Variants in HDAC9 observed in about 807,000 individuals in gnomAD.
HDAC9 encodes the protein histone deacetylase 9.
A neutral mutation model predicts 139.4 loss-of-function variants in HDAC9; 41 were observed. The ratio of observed to expected loss-of-function variants is 0.29; its 90% CI spans 0.23 to 0.38. The LOEUF (loss-of-function observed/expected upper bound fraction) is 0.38, where lower values mean the gene tolerates loss of function less well. Ranked by LOEUF, HDAC9 falls within the 10% of genes least tolerant of loss-of-function variation. The probability of loss-of-function intolerance (pLI) is 1.00; values close to 1 mark genes in which losing one functional copy is unlikely to be tolerated. For missense variants in HDAC9, 1,147 were observed against 1,297.0 expected, an observed-to-expected ratio of 0.88 and a Z score of 1.78; for synonymous variants, 517 against 476.2, an observed-to-expected ratio of 1.09 and a Z score of -1.12.
intron 1 of HDAC9, among the ~76,000 whole-genome samples, chr7:18,472,890 T>C (rs1794829899): frequency 6.6e-6 from 1 of 152,224 alleles, no homozygotes; most frequent in Non-Finnish European, 1.5e-5. Flanking sequence ...TCCCAGTTGT[T>C]TAGAACAGCA....
rs540299217 is a variant in HDAC9, at chr7:18,847,867, C to T, written c.2684+11870C>T. Among the ~76,000 whole-genome samples the T allele has an allele frequency of 1.2e-4, 18 of 152,296 alleles. No homozygotes were observed. In the South Asian group the frequency reaches 2.3e-3, roughly 19 times the overall value. On this transcript the variant is annotated intron_variant, in intron 21 of 25. Coordinates refer to ENST00000686413, the MANE Select transcript of HDAC9 (RefSeq NM_178425.4). ...GTTATGCTATGAAAGCCAAGGGACA[C>T]GGAGTCCAGTCCTATTTCCTGCCCT...
intron 1 of HDAC9, among the ~76,000 whole-genome samples, chr7:18,315,634 A>G (rs1290497424): frequency 6.6e-6 from 1 of 152,260 alleles, no homozygotes; most frequent in Non-Finnish European, 1.5e-5. Flanking sequence ...AAGTATTCAC[A>G]GCACTACATA....
At chr7:18,294,160 A>G (rs1797995672) in intron 1 of HDAC9, among the ~76,000 whole-genome samples, 1 of 152,102 alleles carries the variant, frequency 6.6e-6, no homozygotes. Context: ...AAAGAGTTGT[A>G]TGAAATAAGT....
At chr7:18,239,037 C>T (rs1214506920) in intron 2 of HDAC9, among the ~76,000 whole-genome samples, 1 of 152,068 alleles carries the variant, frequency 6.6e-6, no homozygotes, top group African/African-American at 2.4e-5. Context: ...TTAAGTGTAT[C>T]TTAAAGATTT....
chr7:18,446,683 C>T (rs965670783), intron 1 of HDAC9, among the ~76,000 whole-genome samples: 3 of 151,958 alleles, frequency 2.0e-5, no homozygotes, highest in African/African-American at 7.3e-5. Flanking sequence ...TACAAATATA[C>T]ACGTTCTTTT....
chr7:18,400,876 T>C (rs1461285603), intron 1 of HDAC9, among the ~76,000 whole-genome samples: 1 of 152,178 alleles, frequency 6.6e-6, no homozygotes, highest in African/African-American at 2.4e-5. Context: ...AAACTTACTT[T>C]CCTCTTAGGT....
At chr7:18,484,972 T>G (rs1331439528) in intron 1 of HDAC9, among the ~76,000 whole-genome samples, 1 of 152,152 alleles carries the variant, frequency 6.6e-6, no homozygotes, top group Non-Finnish European at 1.5e-5. Flanking sequence ...CATTGAGAAT[T>G]TCCTTCAGAC....
intron 1 of HDAC9, among the ~76,000 whole-genome samples, chr7:18,331,277 T>C (rs957544946): frequency 2.6e-5 from 4 of 151,756 alleles, no homozygotes; most frequent in Non-Finnish European, 4.4e-5. Context: ...TTATTTTAAA[T>C]GTCTTTGCCT....
chr7:18,682,799 G>T (rs575827182), intron 12 of HDAC9, among the ~76,000 whole-genome samples: 1 of 149,232 alleles, frequency 6.7e-6, no homozygotes, highest in Non-Finnish European at 1.5e-5. Flanking sequence ...CCTGGCCAAC[G>T]TGGTGAAACC....
chr7:18,865,589 C>T (rs549785816), intron 21 of HDAC9, among the ~76,000 whole-genome samples: 2 of 152,078 alleles, frequency 1.3e-5, no homozygotes, highest in African/African-American at 4.8e-5. Flanking sequence ...TAGTGCCCCC[C>T]ACAAGGACCC....
At chr7:18,419,042 T>G (rs1009865000) in intron 1 of HDAC9, among the ~76,000 whole-genome samples, 1 of 152,226 alleles carries the variant, frequency 6.6e-6, no homozygotes, top group African/African-American at 2.4e-5. Flanking sequence ...CTAACTTGTG[T>G]CATCTTTATA....
chr7:18,403,337 G>A (rs1009620651), intron 1 of HDAC9, among the ~76,000 whole-genome samples: 15 of 152,132 alleles, frequency 9.9e-5, no homozygotes, highest in African/African-American at 3.1e-4. Flanking sequence ...TAGGTCTTAT[G>A]ATTTGATCAA....
intron 22 of HDAC9, among the ~76,000 whole-genome samples, chr7:18,913,962 A>T (rs1017507457): frequency 4.6e-5 from 7 of 152,044 alleles, no homozygotes; most frequent in African/African-American, 1.7e-4. Context: ...TATGGTCTGA[A>T]TGTTTGTGTC....
chr7:18,162,628 T>C (rs1787713141), intron 2 of HDAC9: 6 of 443,806 alleles, frequency 1.4e-5, no homozygotes, highest in Non-Finnish European at 2.5e-5. Context: ...CTTTATGAAG[T>C]TATGAATATG....
chr7:18,805,276 A>G (rs1426632629), intron 17 of HDAC9, among the ~76,000 whole-genome samples: 2 of 152,206 alleles, frequency 1.3e-5, no homozygotes, highest in Admixed American at 6.5e-5. Flanking sequence ...ATGTTGAGCT[A>G]TAGGAATTTG....
intron 2 of HDAC9, among the ~76,000 whole-genome samples, chr7:18,285,335 T>G (rs1173361543): frequency 2.6e-5 from 4 of 152,140 alleles, no homozygotes; most frequent in Non-Finnish European, 5.9e-5. Context: ...ATGACATAAT[T>G]ATACCATAAT....
intron 12 of HDAC9, chr7:18,668,488 C>T (rs988458634): frequency 2.0e-6 from 2 of 977,856 alleles, no homozygotes; most frequent in African/African-American, 1.8e-5. Context: ...TGTGGCTGAG[C>T]AGACTTTTGT....
At chr7:18,367,414 A>G (rs1436583613) in intron 1 of HDAC9, among the ~76,000 whole-genome samples, 2 of 152,134 alleles carry the variant, frequency 1.3e-5, no homozygotes, top group East Asian at 3.9e-4. Context: ...CGTGATAAAA[A>G]TTGGTAAAGA....
chr7:18,834,983 T>C (rs1487714331), intron 19 of HDAC9, among the ~76,000 whole-genome samples: 1 of 152,224 alleles, frequency 6.6e-6, no homozygotes, highest in East Asian at 1.9e-4. Context: ...TACTAGTTTG[T>C]AGTTTAGTTT....
Sources: gnomAD v4.1 joint callset for allele counts (sites outside exome capture counted in the v4.1 genomes callset) on GRCh38, gnomAD v4.1.1 for gene constraint, MANE v1.5 for transcripts, NCBI Gene and HGNC (gene_info 2026-07-23, HGNC 2026-07-21) for gene names.